Variants in GLIS3 observed in about 807,000 individuals in gnomAD.
GLIS3 encodes GLIS family zinc finger 3.
GLIS3 carries 53 observed loss-of-function variants against 78.6 expected under a neutral mutation model. That is an observed-to-expected ratio of 0.67 (90% CI 0.54 to 0.85). The LOEUF (loss-of-function observed/expected upper bound fraction) is 0.85. Among genes scored for constraint, GLIS3 ranks in the 40% least tolerant of loss-of-function variants. The probability of loss-of-function intolerance (pLI) is 0.00; values close to 1 mark genes in which losing one functional copy is unlikely to be tolerated. For missense variants in GLIS3, 1,703 were observed against 1,231.1 expected, an observed-to-expected ratio of 1.38 and a Z score of -5.74; for synonymous variants, 684 against 509.9, an observed-to-expected ratio of 1.34 and a Z score of -4.60.
the GLIS3 span, among the ~76,000 whole-genome samples, chr9:4,459,221 T>C: frequency 6.6e-6 from 1 of 152,184 alleles, no homozygotes; most frequent in African/African-American, 2.4e-5. Flanking sequence ...AGTGGCCATA[T>C]ACTGAATATA....
intron 4 of GLIS3, among the ~76,000 whole-genome samples, chr9:3,975,571 T>TG (rs1818716774): frequency 6.6e-6 from 1 of 151,964 alleles, no homozygotes; most frequent in African/African-American, 2.4e-5. Flanking sequence ...CATCATTTTT[T>TG]TTTTTTTTGA....
chr9:4,173,633 G>A (rs1187897100), intron 2 of GLIS3, among the ~76,000 whole-genome samples: 10 of 146,766 alleles, frequency 6.8e-5, no homozygotes, highest in South Asian at 2.1e-4. Context: ...ACAAGGTCTT[G>A]ATCTGTCACC....
chr9:4,290,455 C>G (rs920005563), intron 1 of GLIS3, among the ~76,000 whole-genome samples: 3 of 152,024 alleles, frequency 2.0e-5, no homozygotes, highest in African/African-American at 4.8e-5. Context: ...TTTTCAACAT[C>G]GCTGCCTTGT....
At chr9:4,189,812 G>A (rs1247208592) in intron 2 of GLIS3, among the ~76,000 whole-genome samples, 1 of 151,646 alleles carries the variant, frequency 6.6e-6, no homozygotes, top group East Asian at 1.9e-4. Flanking sequence ...GACTAGGATT[G>A]CAACCCCTGC....
intron 2 of GLIS3, among the ~76,000 whole-genome samples, chr9:4,212,689 G>A (rs1586994010): frequency 6.6e-6 from 1 of 152,304 alleles, no homozygotes; most frequent in African/African-American, 2.4e-5. Context: ...AGTTTTCCAT[G>A]CAGAGGAAAC....
chr9:4,237,865 A>C (rs1434382588), intron 2 of GLIS3, among the ~76,000 whole-genome samples: 3 of 152,130 alleles, frequency 2.0e-5, no homozygotes. Flanking sequence ...TCAGCATTTT[A>C]TCAGTTTGAT....
chr9:4,316,960 T>C (rs1409411055), intron 2 of GLIS3, among the ~76,000 whole-genome samples: 1 of 108,050 alleles, frequency 9.3e-6, no homozygotes, highest in Non-Finnish European at 1.7e-5. Context: ...GGTTTTTTAA[T>C]ATGTTTTGCT....
At chr9:3,881,117 A>T (rs139223209) in intron 7 of GLIS3, among the ~76,000 whole-genome samples, 21 of 152,306 alleles carry the variant, frequency 1.4e-4, no homozygotes, top group African/African-American at 5.1e-4. Flanking sequence ...CTTGTATTCC[A>T]AATAATAATT....
intron 2 of GLIS3, among the ~76,000 whole-genome samples, chr9:4,199,630 T>C (rs973028533): frequency 2.6e-5 from 4 of 151,348 alleles, no homozygotes; most frequent in African/African-American, 9.7e-5. Flanking sequence ...CATATGCACC[T>C]AACATTGGAG....
At chr9:4,467,305 T>C in the GLIS3 span, among the ~76,000 whole-genome samples, 2 of 152,160 alleles carry the variant, frequency 1.3e-5, no homozygotes, top group East Asian at 3.9e-4. Context: ...GCATGGAGTT[T>C]GAGATCTGAG....
At chr9:4,083,862 T>C (rs530643675) in intron 4 of GLIS3, among the ~76,000 whole-genome samples, 2 of 152,336 alleles carry the variant, frequency 1.3e-5, no homozygotes, top group African/African-American at 4.8e-5. Flanking sequence ...ACATCAATAA[T>C]TTCTGGTTTC....
chr9:4,188,810 G>C (rs955047988), intron 2 of GLIS3, among the ~76,000 whole-genome samples: 1 of 152,276 alleles, frequency 6.6e-6, no homozygotes, highest in East Asian at 1.9e-4. Context: ...TTCTCTGATG[G>C]TAGTCTGTAT....
chr9:4,210,347 G>C (rs369476304), intron 2 of GLIS3, among the ~76,000 whole-genome samples: 62 of 152,328 alleles, frequency 4.1e-4, no homozygotes, highest in African/African-American at 1.4e-3. Context: ...GCGAAGTTCA[G>C]CATCCAATTG....
the GLIS3 span, chr9:4,386,475 G>A: frequency 6.6e-6 from 1 of 151,802 alleles, no homozygotes; most frequent in African/African-American, 2.4e-5. Context: ...AATCTTCTCT[G>A]TATCATTCCA....
intron 4 of GLIS3, among the ~76,000 whole-genome samples, chr9:3,991,421 A>C (rs1422301316): frequency 1.3e-5 from 2 of 152,204 alleles, no homozygotes; most frequent in African/African-American, 4.8e-5. Flanking sequence ...ATAAAACAAA[A>C]TGAATCAATT....
chr9:3,863,205 T>A (rs1339183405), intron 8 of GLIS3, among the ~76,000 whole-genome samples: 1 of 152,218 alleles, frequency 6.6e-6, no homozygotes, highest in East Asian at 1.9e-4. Flanking sequence ...ACTTCATGAA[T>A]TCCTGGCTGA....
the GLIS3 span, among the ~76,000 whole-genome samples, chr9:4,467,627 T>C: frequency 6.6e-6 from 1 of 152,206 alleles, no homozygotes; most frequent in South Asian, 2.1e-4. Context: ...AAACCCCATC[T>C]GTACATCACC....
chr9:4,245,245 T>A (rs1043602422), intron 2 of GLIS3, among the ~76,000 whole-genome samples: 2 of 152,200 alleles, frequency 1.3e-5, no homozygotes, highest in African/African-American at 4.8e-5. Context: ...AAACCCACAA[T>A]GATTATTATT....
At chr9:3,877,348 G>A (rs1034876231) in intron 8 of GLIS3, among the ~76,000 whole-genome samples, 4 of 152,176 alleles carry the variant, frequency 2.6e-5, no homozygotes, top group Admixed American at 6.5e-5. Context: ...TATCATTTGC[G>A]CTGCTTTGCT....
Sources: allele counts gnomAD v4.1 joint callset (sites outside exome capture counted in the v4.1 genomes callset), GRCh38; gene constraint gnomAD v4.1.1; transcripts MANE v1.5; gene names NCBI Gene and HGNC (gene_info 2026-07-23, HGNC 2026-07-21).